The following SDK1 variants were observed in gnomAD, a reference collection of about 807,000 sequenced individuals.
The protein encoded by SDK1 is protein sidekick-1.
In SDK1, 157 loss-of-function variants were observed where a neutral mutation model predicts 245.5. That is an observed-to-expected ratio of 0.64 (90% CI 0.56 to 0.73). The LOEUF (loss-of-function observed/expected upper bound fraction) is 0.73. Among genes scored for constraint, SDK1 ranks in the 30% least tolerant of loss-of-function variants. The pLI, the probability that SDK1 is intolerant of heterozygous loss-of-function variation, is 0.00. For synonymous variants in SDK1, 1,647 were observed against 1,278.5 expected (o/e 1.29, Z -6.15); for missense variants, 3,583 against 3,002.3 (o/e 1.19, Z -4.52).
chr7:3,445,497 A>C (rs1030583685), intron 1 of SDK1, among the ~76,000 whole-genome samples: 4 of 152,192 alleles, frequency 2.6e-5, no homozygotes, highest in Non-Finnish European at 4.4e-5. Context: ...ATTCCTTTTA[A>C]CTTTTTATTT....
chr7:3,756,488 C>G lies in SDK1; in HGVS notation c.714-64962C>G, dbSNP rs116699157. On this transcript the variant is annotated intron_variant, in intron 4 of 44. Transcript: ENST00000404826. ...GTTGTTTTAAATCTGACTCCTTTCA[C>G]ATGGCATTGTGCGTGTGAGACATGT... is the stretch of plus-strand genomic sequence containing the variant. Among the ~76,000 whole-genome samples the G allele has an allele frequency of 5.5e-3, 842 of 152,114 alleles. 9 individuals are homozygous for G. The highest frequency in any genetic ancestry group is 0.019 in the African/African-American group (809 of 41,508).
At chr7:3,668,278 T>C (rs1783597150) in intron 4 of SDK1, among the ~76,000 whole-genome samples, 1 of 152,182 alleles carries the variant, frequency 6.6e-6, no homozygotes, top group African/African-American at 2.4e-5. Flanking sequence ...GTGGTTCCAC[T>C]GATGGCAGTA....
At chr7:4,229,823 A>G (rs1785639096) in intron 40 of SDK1, among the ~76,000 whole-genome samples, 1 of 152,262 alleles carries the variant, frequency 6.6e-6, no homozygotes, top group African/African-American at 2.4e-5. Flanking sequence ...AATTCATTCA[A>G]TATATAAAGC....
chr7:3,415,082 A>G (rs1392172542), intron 1 of SDK1, among the ~76,000 whole-genome samples: 1 of 152,176 alleles, frequency 6.6e-6, no homozygotes, highest in Non-Finnish European at 1.5e-5. Context: ...TTGGTTATAC[A>G]CATAGGAGTG....
At position 3,421,890 on chromosome 7, in the gene SDK1, C is replaced by T. The variant is rs965328139; in HGVS notation, c.298+120006C>T. 3.3e-5 allele frequency among the ~76,000 whole-genome samples: 5 copies of T among 152,202 alleles called. No homozygotes were observed. The East Asian group carries it at 9.7e-4, about 29-fold the overall frequency. On this transcript the variant is annotated intron_variant, in intron 1 of 44. Coordinates refer to ENST00000404826, the MANE Select transcript of SDK1 (RefSeq NM_152744.4). ...GTGCTTGAGACTCTTGGAAAGTGGG[C>T]CAGATGCAGTGGCTCCTATCTGTAA...
chr7:3,422,025 G>T (rs763924102), intron 1 of SDK1, among the ~76,000 whole-genome samples: 1 of 152,044 alleles, frequency 6.6e-6, no homozygotes, highest in South Asian at 2.1e-4. Context: ...ATAGCAGACC[G>T]GATGGTTCTC....
intron 9 of SDK1, among the ~76,000 whole-genome samples, chr7:3,963,961 A>T (rs1027842231): frequency 1.3e-5 from 2 of 152,172 alleles, no homozygotes; most frequent in African/African-American, 4.8e-5. Context: ...GGCTACCCAG[A>T]TGTATCCAGT....
At chr7:3,903,821 T>G (rs972946982) in intron 5 of SDK1, among the ~76,000 whole-genome samples, 3 of 152,168 alleles carry the variant, frequency 2.0e-5, no homozygotes, top group Non-Finnish European at 2.9e-5. Context: ...GGGTCCCTCA[T>G]GAACAGATTA....
At position 3,561,757 on chromosome 7, in the gene SDK1, C is replaced by A. The variant is rs532448834; in HGVS notation, c.299-57323C>A. Among the ~76,000 whole-genome samples the A allele has an allele frequency of 2.6e-3, 389 of 152,306 alleles. 3 individuals are homozygous for A. The highest frequency in any genetic ancestry group is 9.2e-3 in the African/African-American group (381 of 41,552). On this transcript the variant is annotated intron_variant, in intron 1 of 44. Transcript: ENST00000404826. ...GCCAGGCTACAAAGAGCTCACGTTC[C>A]CTTCCAGAATACACTGTTTCTAACA...
intron 17 of SDK1, among the ~76,000 whole-genome samples, chr7:4,041,089 G>A (rs1475842361): frequency 6.6e-6 from 1 of 152,178 alleles, no homozygotes; most frequent in African/African-American, 2.4e-5. Context: ...AATTGGTCCT[G>A]TGCCTGGTAC....
intron 2 of SDK1, among the ~76,000 whole-genome samples, chr7:3,632,867 T>C (rs942008844): frequency 1.3e-5 from 2 of 152,238 alleles, no homozygotes; most frequent in African/African-American, 2.4e-5. Flanking sequence ...CAGCTTGTTA[T>C]GGCACAGTCT....
intron 5 of SDK1, among the ~76,000 whole-genome samples, chr7:3,859,923 AT>A (rs36028522): frequency 1.6e-3 from 236 of 146,824 alleles, no homozygotes; most frequent in Non-Finnish European, 2.0e-3. Flanking sequence ...ACTGATAGAA[AT>A]TTTTTTTTTT....
intron 1 of SDK1, among the ~76,000 whole-genome samples, chr7:3,385,132 G>A (rs1781578793): frequency 6.6e-6 from 1 of 152,156 alleles, no homozygotes; most frequent in African/African-American, 2.4e-5. Context: ...CTGGGTTCAG[G>A]TATGGATTCT....
At chr7:3,750,079 C>G (rs752423787) in intron 4 of SDK1, among the ~76,000 whole-genome samples, 1 of 152,194 alleles carries the variant, frequency 6.6e-6, no homozygotes, top group African/African-American at 2.4e-5. Context: ...AAATTCACCT[C>G]ATTTATTGAA....
At chr7:3,496,977 C>A in intron 1 of SDK1, among the ~76,000 whole-genome samples, 1 of 152,126 alleles carries the variant, frequency 6.6e-6, no homozygotes, top group East Asian at 1.9e-4. Flanking sequence ...TTCTATCCCT[C>A]CACATTCTCG....
chr7:4,182,330 G>A (rs1584390199), intron 35 of SDK1, among the ~76,000 whole-genome samples: 2 of 152,278 alleles, frequency 1.3e-5, no homozygotes, highest in South Asian at 2.1e-4. Flanking sequence ...CCCCAGCAGC[G>A]GGGCTGCCTT....
At chr7:4,091,342 T>TTTC (rs1440126821) in intron 22 of SDK1, among the ~76,000 whole-genome samples, 21 of 141,746 alleles carry the variant, frequency 1.5e-4, no homozygotes, top group South Asian at 4.7e-4. Context: ...TTCTTTTTTT[T>TTTC]TTTTTTTTTT....
At chr7:3,626,131 G>T (rs1382650740) in intron 2 of SDK1, among the ~76,000 whole-genome samples, 1 of 150,462 alleles carries the variant, frequency 6.6e-6, no homozygotes. Flanking sequence ...TTAGACACAG[G>T]GTCTTGCTAT....
At chr7:3,969,756 T>C (rs1562592594) in intron 11 of SDK1, among the ~76,000 whole-genome samples, 1 of 152,182 alleles carries the variant, frequency 6.6e-6, no homozygotes, top group Admixed American at 6.5e-5. Flanking sequence ...ATAAGAAAAT[T>C]AAGAATTAAA....
Sources: allele counts gnomAD v4.1 joint callset (sites outside exome capture counted in the v4.1 genomes callset), GRCh38; gene constraint gnomAD v4.1.1; transcripts MANE v1.5; gene names NCBI Gene and HGNC (gene_info 2026-07-23, HGNC 2026-07-21).